Variants in GPN1 observed in about 807,000 individuals in gnomAD.
GPN1 encodes GPN-loop GTPase 1.
In GPN1, 44 loss-of-function variants were observed where a neutral mutation model predicts 55.9. The ratio of observed to expected loss-of-function variants is 0.79; its 90% confidence interval spans 0.62 to 1.01. The LOEUF (loss-of-function observed/expected upper bound fraction) is 1.01. GPN1 is among the 50% of genes least tolerant of loss of function. The pLI, the probability that GPN1 is intolerant of heterozygous loss-of-function variation, is 0.00. For synonymous variants in GPN1, 179 were observed against 162.5 expected (o/e 1.10, Z -0.77); for missense variants, 466 against 462.8 (o/e 1.01, Z -0.06).
rs866220682 is a variant in GPN1 at position 27,650,429 on chromosome 2, A to G, written c.*229A>G. 3 of 327,416 alleles carry G rather than the reference A, an allele frequency of 9.2e-6. No individual in the cohort carries two copies. Among genetic ancestry groups the G allele is most frequent in the African/African-American group, 4.2e-5 (2 of 47,114 alleles). The allele number at this position is 327,416 out of a possible 1,614,324, so 20.3% of individuals were successfully genotyped here. A position where few individuals can be genotyped will look rare whatever the true frequency, so the allele number is the denominator to read the frequency against. On this transcript the variant is annotated 3_prime_UTR_variant, in exon 14 of 14. Coordinates refer to ENST00000610189, the MANE Select transcript of GPN1 (RefSeq NM_007266.4). ...ATTCCTTGGCCTTTCCCTTGTATTT[A>G]TGCAAGGAAGGATATACTGAGCTGA...
chr2:27,639,430 CAT>C (rs889901784), intron 9 of GPN1, among the ~76,000 whole-genome samples: 2 of 152,192 alleles, frequency 1.3e-5, no homozygotes, highest in Admixed American at 1.3e-4. Context: ...CAAGGAAAGA[CAT>C]AGACAAAGCA....
chr2:27,639,932 C>G, intron 9 of GPN1, 111 bp from the exon 10 acceptor site: 2 of 807,954 alleles, frequency 2.5e-6, no homozygotes, highest in Non-Finnish European at 4.1e-6. Flanking sequence ...AAAGACTTCT[C>G]AAAATATAAA....
At chr2:27,647,995 C>A in intron 13 of GPN1, 52 bp downstream of exon 13, 2 of 983,500 alleles carry the variant, frequency 2.0e-6, no homozygotes, top group South Asian at 1.3e-5. Context: ...CTTATCCTCA[C>A]ATTGTTTGCC....
intron 12 of GPN1, 99 bp from the exon 13 acceptor site, chr2:27,647,737 A>G: frequency 1.4e-6 from 1 of 703,454 alleles, no homozygotes; most frequent in Non-Finnish European, 2.6e-6. Flanking sequence ...TATATGTATC[A>G]TGAGCACTTT....
intron 12 of GPN1, among the ~76,000 whole-genome samples, chr2:27,646,080 C>T (rs1444155845): frequency 6.6e-6 from 1 of 152,076 alleles, no homozygotes; most frequent in Non-Finnish European, 1.5e-5. Flanking sequence ...CTTGCTCTGT[C>T]ACCTAGGCTG....
chr2:27,639,177 G>A (rs1019227783), intron 9 of GPN1, 146 bp downstream of exon 9: 2 of 643,148 alleles, frequency 3.1e-6, no homozygotes, highest in African/African-American at 3.6e-5. Flanking sequence ...ATTGTGGAGT[G>A]TACAAGAAGA....
intron 12 of GPN1, among the ~76,000 whole-genome samples, chr2:27,647,635 A>T (rs535176158): frequency 4.1e-4 from 62 of 152,358 alleles, no homozygotes; most frequent in African/African-American, 1.5e-3. Context: ...TCCTAGGGCT[A>T]TTTGCCTTAT....
intron 1 of GPN1, chr2:27,629,382 T>TC (rs1426724596): frequency 6.4e-7 from 1 of 1,550,988 alleles, no homozygotes; most frequent in South Asian, 1.2e-5. Flanking sequence ...CAGGGCATAC[T>TC]CGGTCCAGCT....
chr2:27,629,100 G>A lies in GPN1; in HGVS notation c.42G>A (p.Gly14=), dbSNP rs1006132112. 4 of 1,614,246 alleles carry A rather than the reference G, an allele frequency of 2.5e-6. No individual in the cohort carries two copies. The highest frequency in any genetic ancestry group is 1.7e-5 in the Admixed American group (1 of 60,026). ...CTGCCGCTGAGCTCCAGGCTTCTGGGGGTCCGCGGCACCCAGTGTGTCTGT... is the reference window on the plus strand; with the variant it reads ...CTGCCGCTGAGCTCCAGGCTTCTGGAGGTCCGCGGCACCCAGTGTGTCTGT... ...SAAAAELQAS[G]GPRHPVCLLV... is the part of the protein sequence containing the mutation. The change falls in exon 1 of 14, where the codon GGG becomes GGA. Residue 14 remains glycine, a synonymous_variant. Coordinates refer to ENST00000610189, the MANE Select transcript of GPN1 (RefSeq NM_007266.4).
At chr2:27,640,425 C>T (rs1033329480) in intron 10 of GPN1, among the ~76,000 whole-genome samples, 5 of 152,142 alleles carry the variant, frequency 3.3e-5, no homozygotes, top group Non-Finnish European at 4.4e-5. Flanking sequence ...GTCTCTGTTG[C>T]AACTGCTCAC....
intron 12 of GPN1, among the ~76,000 whole-genome samples, chr2:27,646,175 G>A (rs1401791101): frequency 6.6e-6 from 1 of 152,158 alleles, no homozygotes; most frequent in African/African-American, 2.4e-5. Context: ...CTGTGTAGCT[G>A]GGACTACAGG....
chr2:27,629,292 C>T, intron 1 of GPN1, 123 bp downstream of exon 1: 1 of 1,452,868 alleles, frequency 6.9e-7, no homozygotes, highest in Non-Finnish European at 9.5e-7. Flanking sequence ...TCGGGGGCTT[C>T]CCATCAACTT....
chr2:27,631,225 A>G lies in GPN1; in HGVS notation c.245+159A>G, dbSNP rs984135791. ...GGTAGGTGATCAGAAATACTATTTC[A>G]GCTTGAGATTTTAGTTTTCTTACCA... is the stretch of plus-strand genomic sequence containing the variant. On this transcript the variant is annotated intron_variant, in intron 3 of 13. Coordinates refer to ENST00000610189, the MANE Select transcript of GPN1 (RefSeq NM_007266.4). 3 of 611,170 alleles carry G rather than the reference A, an allele frequency of 4.9e-6. No homozygotes were observed. The African/African-American group carries it at 5.6e-5, about 11-fold the overall frequency. 37.9% of individuals were successfully genotyped at this position (611,170 alleles called of 1,614,324 possible). A position where few individuals can be genotyped will look rare whatever the true frequency, so the allele number is the denominator to read the frequency against.
At chr2:27,645,076 C>A (rs868010195) in intron 12 of GPN1, among the ~76,000 whole-genome samples, 1 of 152,038 alleles carries the variant, frequency 6.6e-6, no homozygotes, top group Non-Finnish European at 1.5e-5. Flanking sequence ...CAAGCATTCC[C>A]CCTGTCTCAG....
At chr2:27,636,518 G>A (rs1457500960) in intron 7 of GPN1, among the ~76,000 whole-genome samples, 2 of 151,716 alleles carry the variant, frequency 1.3e-5, no homozygotes, top group East Asian at 3.9e-4. Context: ...TTTTCGAGAC[G>A]GAGTCTTGCT....
intron 10 of GPN1, among the ~76,000 whole-genome samples, chr2:27,640,331 G>A (rs1673888949): frequency 6.6e-6 from 1 of 152,088 alleles, no homozygotes; most frequent in African/African-American, 2.4e-5. Flanking sequence ...AATCTTCATT[G>A]TATTGAGTGA....
At chr2:27,648,408 G>A (rs970817405) in intron 13 of GPN1, among the ~76,000 whole-genome samples, 7 of 152,124 alleles carry the variant, frequency 4.6e-5, no homozygotes, top group South Asian at 4.2e-4. Context: ...AGTTCAAGCT[G>A]TTTGGGAGGC....
intron 13 of GPN1, 102 bp downstream of exon 13, chr2:27,648,045 GATAAAGGAT>G: frequency 1.4e-6 from 1 of 692,532 alleles, no homozygotes; most frequent in Non-Finnish European, 2.6e-6. Context: ...AGTAATAGTG[GATAAAGGAT>G]ACAGCACCAG....
chr2:27,631,971 A>G (rs762131668), intron 4 of GPN1, 71 bp downstream of exon 4: 52 of 892,888 alleles, frequency 5.8e-5, no homozygotes, highest in Non-Finnish European at 9.0e-5. Flanking sequence ...TAGCTTGATC[A>G]CATTGGTAAA....
Sources: allele counts gnomAD v4.1 joint callset (sites outside exome capture counted in the v4.1 genomes callset), GRCh38; gene constraint gnomAD v4.1.1; transcripts MANE v1.5; gene names NCBI Gene and HGNC (gene_info 2026-07-23, HGNC 2026-07-21).